The following CALN1 variants were observed in gnomAD, a reference collection of about 807,000 sequenced individuals.
CALN1 encodes the protein calneuron 1.
Under a neutral mutation model 30.6 loss-of-function variants are expected in CALN1, and 17 were observed. The ratio of observed to expected loss-of-function variants is 0.56; its 90% CI spans 0.38 to 0.83. CALN1 has a LOEUF of 0.83. Among genes scored for constraint, CALN1 ranks in the 40% least tolerant of loss-of-function variants. The pLI is 0.00. For missense variants in CALN1, 291 were observed against 354.9 expected (o/e 0.82, Z 1.45); for synonymous variants, 156 against 131.4 (o/e 1.19, Z -1.28).
intron 4 of CALN1, among the ~76,000 whole-genome samples, chr7:72,057,112 TA>T (rs11323098): frequency 0.41 from 52,603 of 126,996 alleles, 10,297 homozygotes; most frequent in African/African-American, 0.55. Context: ...ACCTGTTTTT[TA>T]AAAAAAAAAA....
At chr7:72,424,724 G>A (rs1344084926) in intron 1 of CALN1, among the ~76,000 whole-genome samples, 2 of 152,026 alleles carry the variant, frequency 1.3e-5, no homozygotes, top group Admixed American at 6.6e-5. Flanking sequence ...AGCCTCCCCA[G>A]TAGCTGGGAC....
intron 2 of CALN1, among the ~76,000 whole-genome samples, chr7:72,393,289 C>T (rs1419951383): frequency 6.6e-6 from 1 of 152,130 alleles, no homozygotes; most frequent in African/African-American, 2.4e-5. Context: ...ACGGTGAAAC[C>T]CCATCTCTAC....
intron 3 of CALN1, among the ~76,000 whole-genome samples, chr7:72,143,318 C>T (rs1361638945): frequency 2.0e-5 from 3 of 152,122 alleles, no homozygotes; most frequent in East Asian, 1.9e-4. Context: ...ACGAGAACTA[C>T]GTGAAGAATG....
At chr7:71,828,756 T>C (rs1196111052) in intron 5 of CALN1, among the ~76,000 whole-genome samples, 1 of 150,008 alleles carries the variant, frequency 6.7e-6, no homozygotes, top group African/African-American at 2.5e-5. Context: ...TGGGGTTTTG[T>C]GTGTTTTTTT....
chr7:72,388,102 G>C (rs1196250909), intron 2 of CALN1, among the ~76,000 whole-genome samples: 1 of 152,106 alleles, frequency 6.6e-6, no homozygotes, highest in African/African-American at 2.4e-5. Flanking sequence ...CCTAGTAGAA[G>C]AAAGGACTTT....
At chr7:72,048,764 C>G (rs1057329030) in intron 4 of CALN1, among the ~76,000 whole-genome samples, 42 of 151,044 alleles carry the variant, frequency 2.8e-4, no homozygotes, top group Non-Finnish European at 5.3e-4. Flanking sequence ...TTCCTTTCCT[C>G]CCTGCCTTTT....
At chr7:72,014,693 G>A (rs113259027) in intron 5 of CALN1, among the ~76,000 whole-genome samples, 16,024 of 151,996 alleles carry the variant, frequency 0.11, 1,138 homozygotes, top group African/African-American at 0.2. Context: ...ACAGGGTCTC[G>A]CTCTGTTGTC....
chr7:72,406,460 A>G (rs1400849505), intron 1 of CALN1, among the ~76,000 whole-genome samples: 1 of 152,144 alleles, frequency 6.6e-6, no homozygotes, highest in Non-Finnish European at 1.5e-5. Flanking sequence ...CCTAAGGGTG[A>G]TTAATTTCCA....
chr7:72,050,447 T>C (rs961279229), intron 4 of CALN1, among the ~76,000 whole-genome samples: 1 of 151,920 alleles, frequency 6.6e-6, no homozygotes, highest in Non-Finnish European at 1.5e-5. Context: ...TCGCAAAAAA[T>C]CAACTAATTT....
At chr7:72,272,619 G>A (rs1797071526) in intron 3 of CALN1, among the ~76,000 whole-genome samples, 1 of 152,144 alleles carries the variant, frequency 6.6e-6, no homozygotes, top group Admixed American at 6.6e-5. Flanking sequence ...GCACACATGT[G>A]AGAGGCTGGG....
intron 4 of CALN1, among the ~76,000 whole-genome samples, chr7:72,068,122 G>A (rs1039264021): frequency 2.0e-5 from 3 of 152,040 alleles, no homozygotes; most frequent in African/African-American, 4.8e-5. Flanking sequence ...GTCAATCTTG[G>A]CTAAAATGAA....
In CALN1 at chr7:71,780,996, A is replaced by G. The variant is rs961652652; in HGVS notation, c.*6779T>C. On this transcript the variant is annotated 3_prime_UTR_variant, in exon 7 of 7. Coordinates refer to ENST00000395275, the MANE Select transcript of CALN1 (RefSeq NM_031468.4). ...GCTGTGACACATTTAACATACACCAATTTGCATTGTTTCATTTACAGACAG... is the reference window on the plus strand; with the variant it reads ...GCTGTGACACATTTAACATACACCAGTTTGCATTGTTTCATTTACAGACAG... The G allele has an allele frequency of 1.3e-5, 2 of 152,146 alleles. No individual in the cohort carries two copies. The highest frequency in any genetic ancestry group is 2.9e-5 in the Non-Finnish European group (2 of 68,022). The allele number at this position is 152,146 out of a possible 1,614,324, so 9.4% of individuals were successfully genotyped here.
intron 6 of CALN1, among the ~76,000 whole-genome samples, chr7:71,792,017 A>G (rs987889781): frequency 4.0e-5 from 5 of 125,676 alleles, no homozygotes; most frequent in Non-Finnish European, 6.0e-5. Flanking sequence ...TCAAAAAAAG[A>G]AAAAAAAAAT....
intron 2 of CALN1, among the ~76,000 whole-genome samples, chr7:72,284,122 C>G (rs951765087): frequency 2.6e-5 from 4 of 152,032 alleles, no homozygotes; most frequent in African/African-American, 7.2e-5. Flanking sequence ...GAGACTGTGT[C>G]TCTACAGAAA....
At chr7:72,206,903 T>C (rs945934603) in intron 3 of CALN1, among the ~76,000 whole-genome samples, 2 of 152,192 alleles carry the variant, frequency 1.3e-5, no homozygotes, top group East Asian at 1.9e-4. Flanking sequence ...GGGAATCTCA[T>C]TGAATGAGGT....
intron 5 of CALN1, among the ~76,000 whole-genome samples, chr7:71,842,186 C>T (rs1584347030): frequency 6.6e-6 from 1 of 152,198 alleles, no homozygotes; most frequent in East Asian, 1.9e-4. Context: ...AGTCTAGTCC[C>T]GAGTAAACTC....
intron 1 of CALN1, among the ~76,000 whole-genome samples, chr7:72,441,396 G>A (rs1020499096): frequency 1.4e-4 from 22 of 151,836 alleles, no homozygotes; most frequent in Non-Finnish European, 1.9e-4. Context: ...TCAGGAGTTC[G>A]AGACCAGCCT....
At chr7:71,801,428 G>GTATGTATGTATGTATCTATCTATCTATC (rs1461292230) in intron 6 of CALN1, among the ~76,000 whole-genome samples, 7 of 87,698 alleles carry the variant, frequency 8.0e-5, no homozygotes, top group Admixed American at 7.2e-4. Flanking sequence ...ATGTATGTAT[G>GTATGTATGTATGTATCTATCTATCTATC]TATCTATCTA....
intron 5 of CALN1, among the ~76,000 whole-genome samples, chr7:71,850,428 T>A (rs984613764): frequency 5.3e-5 from 8 of 152,120 alleles, no homozygotes; most frequent in Non-Finnish European, 1.0e-4. Flanking sequence ...ATGTAGTCCA[T>A]GCTTGTCTCG....
Sources: allele counts gnomAD v4.1 joint callset (sites outside exome capture counted in the v4.1 genomes callset), GRCh38; gene constraint gnomAD v4.1.1; transcripts MANE v1.5; gene names NCBI Gene and HGNC (gene_info 2026-07-23, HGNC 2026-07-21).